Variants in DTNBP1 observed in about 807,000 individuals in gnomAD.
DTNBP1 encodes the protein dysbindin.
Under a neutral mutation model 42.8 loss-of-function variants are expected in DTNBP1, and 35 were observed. The ratio of observed to expected loss-of-function variants is 0.82; its 90% confidence interval spans 0.63 to 1.09. The LOEUF is 1.09. DTNBP1 is among the 50% of genes least tolerant of loss of function. DTNBP1 has a pLI of 0.00. For synonymous variants in DTNBP1, 171 were observed against 162.2 expected (o/e 1.05, Z -0.41); for missense variants, 457 against 424.2 (o/e 1.08, Z -0.68).
intron 7 of DTNBP1, among the ~76,000 whole-genome samples, chr6:15,570,988 T>C (rs1378159698): frequency 6.6e-6 from 1 of 152,212 alleles, no homozygotes; most frequent in Non-Finnish European, 1.5e-5. Flanking sequence ...TCTATCTTAA[T>C]GGCATTAAGA....
chr6:15,627,532 A>G (rs1759421782), intron 4 of DTNBP1, 57 bp from the exon 5 acceptor site: 19 of 1,608,934 alleles, frequency 1.2e-5, no homozygotes, highest in Non-Finnish European at 1.6e-5. Context: ...CAAAGAAAGT[A>G]CAGTTAACGT....
intron 1 of DTNBP1, among the ~76,000 whole-genome samples, chr6:15,658,384 C>T (rs1470023688): frequency 6.6e-6 from 1 of 152,142 alleles, no homozygotes; most frequent in Non-Finnish European, 1.5e-5. Flanking sequence ...TGACTGGCTC[C>T]AACCCCCTTT....
intron 5 of DTNBP1, among the ~76,000 whole-genome samples, chr6:15,621,112 A>G (rs1426029521): frequency 6.6e-6 from 1 of 152,202 alleles, no homozygotes; most frequent in Non-Finnish European, 1.5e-5. Flanking sequence ...TTTCATTTTT[A>G]TCTTACAAAC....
At chr6:15,625,694 C>G (rs1759299980) in intron 5 of DTNBP1, among the ~76,000 whole-genome samples, 1 of 152,070 alleles carries the variant, frequency 6.6e-6, no homozygotes, top group Non-Finnish European at 1.5e-5. Flanking sequence ...TGGTATTAAG[C>G]AAACAACAAC....
At chr6:15,656,654 GGGTGGATT>G (rs987660087) in intron 1 of DTNBP1, among the ~76,000 whole-genome samples, 1 of 152,076 alleles carries the variant, frequency 6.6e-6, no homozygotes, top group Non-Finnish European at 1.5e-5. Context: ...AGGCTGAGGT[GGGTGGATT>G]GCTTGAACCC....
rs571410075 is a variant in DTNBP1, at chr6:15,570,647, TAA to T, written c.511+22410_511+22411del. 5.9e-5 allele frequency among the ~76,000 whole-genome samples: 9 copies of T among 152,364 alleles called. No homozygotes were observed. In the South Asian group the frequency reaches 1.7e-3, roughly 28 times the overall value. ...CTGTACTGCAAACTGTTCACTGCAA[TAA>T]AGTCACTTTCCTTCAAATTTCTTTT... On this transcript the variant is annotated intron_variant, in intron 7 of 9. Transcript: ENST00000344537.
intron 7 of DTNBP1, among the ~76,000 whole-genome samples, chr6:15,551,413 A>G (rs1022731001): frequency 3.9e-5 from 6 of 152,232 alleles, no homozygotes; most frequent in Non-Finnish European, 5.9e-5. Context: ...TGAAACTGCT[A>G]TTCAGGAAGT....
Position 15,522,869 on chromosome 6 carries a change from ATG to A in DTNBP1, c.*104_*105del. The stretch of plus-strand genomic sequence containing the variant: ...AGTTTCTCACACATTATTGGCAATT[ATG>A]TAAAAATCAAGAACCTCTATAAAAC... On this transcript the variant is annotated 3_prime_UTR_variant, in exon 10 of 10. Coordinates refer to ENST00000344537, the MANE Select transcript of DTNBP1 (RefSeq NM_032122.5). 6.3e-7 allele frequency: 1 copy of A among 1,581,362 alleles called. No homozygotes were observed. The highest frequency in any genetic ancestry group is 8.7e-7 in the Non-Finnish European group (1 of 1,154,652).
intron 7 of DTNBP1, among the ~76,000 whole-genome samples, chr6:15,559,676 G>A (rs1232358820): frequency 2.6e-5 from 4 of 152,108 alleles, no homozygotes; most frequent in African/African-American, 9.7e-5. Flanking sequence ...CCAGAAAACT[G>A]CAACACCAGC....
intron 9 of DTNBP1, chr6:15,524,128 C>A (rs771875118): frequency 7.3e-7 from 1 of 1,367,968 alleles, no homozygotes; most frequent in South Asian, 1.2e-5. Context: ...ATGGCAGGCA[C>A]GCCCCTAAAT....
intron 7 of DTNBP1, among the ~76,000 whole-genome samples, chr6:15,543,483 C>T (rs755961904): frequency 5.9e-5 from 9 of 152,210 alleles, no homozygotes; most frequent in Non-Finnish European, 8.8e-5. Context: ...ACAGTACCAC[C>T]GTAAGACTCC....
intron 6 of DTNBP1, among the ~76,000 whole-genome samples, chr6:15,607,642 C>T (rs185885256): frequency 7.0e-4 from 107 of 152,304 alleles, no homozygotes; most frequent in African/African-American, 2.3e-3. Context: ...ACCTTTAGCA[C>T]GCTGATGCAC....
At chr6:15,592,956 G>T in intron 7 of DTNBP1, 103 bp downstream of exon 7, 2 of 1,203,480 alleles carry the variant, frequency 1.7e-6, no homozygotes, top group Non-Finnish European at 2.3e-6. Flanking sequence ...ACTGTTTTAT[G>T]TAAACTGATT....
intron 2 of DTNBP1, 131 bp from the exon 3 acceptor site, chr6:15,651,494 T>A (rs1454361623): frequency 1.3e-5 from 16 of 1,269,572 alleles, no homozygotes; most frequent in Non-Finnish European, 1.7e-5. Context: ...ATTATTAAAC[T>A]TTTAGAGAAA....
intron 4 of DTNBP1, among the ~76,000 whole-genome samples, chr6:15,634,515 A>C (rs1382950713): frequency 6.6e-6 from 1 of 152,012 alleles, no homozygotes. Flanking sequence ...ACAGGATTTC[A>C]CCACGTTGCT....
intron 6 of DTNBP1, chr6:15,595,057 G>A: frequency 2.2e-6 from 1 of 454,360 alleles, no homozygotes; most frequent in African/African-American, 2.0e-5. Context: ...GCTGTGAAGA[G>A]GACAAGCCCA....
intron 9 of DTNBP1, chr6:15,523,668 C>A (rs1772104311): frequency 7.8e-7 from 1 of 1,287,012 alleles, no homozygotes; most frequent in South Asian, 1.2e-5. Flanking sequence ...TAAATAGGCT[C>A]TTCAAGGAAT....
At chr6:15,611,324 G>A (rs1263093794) in intron 6 of DTNBP1, among the ~76,000 whole-genome samples, 3 of 151,812 alleles carry the variant, frequency 2.0e-5, no homozygotes, top group East Asian at 3.9e-4. Flanking sequence ...CAGACCTACT[G>A]CTCAGAAAAA....
intron 5 of DTNBP1, among the ~76,000 whole-genome samples, chr6:15,624,749 C>T (rs574707562): frequency 9.5e-4 from 144 of 151,692 alleles, no homozygotes; most frequent in Non-Finnish European, 1.6e-3. Context: ...TATTGCTTAA[C>T]TATTTAAGCT....
Sources: allele counts gnomAD v4.1 joint callset (sites outside exome capture counted in the v4.1 genomes callset), GRCh38; gene constraint gnomAD v4.1.1; transcripts MANE v1.5; gene names NCBI Gene and HGNC (gene_info 2026-07-23, HGNC 2026-07-21).